TCF20: variants seen among roughly 807,000 people sequenced by gnomAD.
The protein encoded by TCF20 is SPRE-binding protein.
Under a neutral mutation model 148.6 loss-of-function variants are expected in TCF20, and 3 were observed. The observed-to-expected ratio is 0.02, with a 90% confidence interval of 0.01 to 0.05. The LOEUF (loss-of-function observed/expected upper bound fraction) is 0.05. Among genes scored for constraint, TCF20 ranks in the 10% least tolerant of loss-of-function variants. TCF20 has a pLI of 1.00. For missense variants in TCF20, 2,350 were observed against 2,429.3 expected (o/e 0.97, Z 0.69); for synonymous variants, 1,049 against 909.5 (o/e 1.15, Z -2.76).
chr22:42,209,660 G>A lies in TCF20; in HGVS notation c.5646C>T (p.Ala1882=), dbSNP rs1920924888. The A allele has an allele frequency of 2.5e-6, 4 of 1,605,054 alleles. No homozygotes were observed. Among genetic ancestry groups the A allele is most frequent in the African/African-American group, 2.7e-5 (2 of 74,452 alleles). ...LYGLQEALEI[A]REMKCSHCQE... ...GATTTCTCATACTCACCATCTCTCT[G>A]GCTATTTCCAGCGCTTCCTGCAGGC... The change falls in exon 2 of 6, where the codon GCC becomes GCT. Residue 1882 remains alanine (A), a synonymous_variant. Transcript: ENST00000677622.
intron 5 of TCF20, among the ~76,000 whole-genome samples, chr22:42,167,829 C>T (rs987854640): frequency 2.0e-5 from 3 of 151,968 alleles, no homozygotes; most frequent in Admixed American, 6.6e-5. Flanking sequence ...ATCAAGTGAT[C>T]CTCCCAGCTC....
chr22:42,170,711 C>G (rs1265882604), intron 3 of TCF20, among the ~76,000 whole-genome samples: 1 of 146,198 alleles, frequency 6.8e-6, no homozygotes, highest in Non-Finnish European at 1.5e-5. Context: ...TAAGAAGATA[C>G]AGCTGATTTA....
intron 1 of TCF20, among the ~76,000 whole-genome samples, chr22:42,266,073 C>T: frequency 7.4e-6 from 1 of 135,364 alleles, no homozygotes; most frequent in East Asian, 2.1e-4. Context: ...TTCATCATAG[C>T]TTTAAAATTA....
rs1206700424 is a variant in TCF20 at position 42,290,500 on chromosome 22, G to A, written c.-37+52979C>T. 2.6e-5 allele frequency among the ~76,000 whole-genome samples: 4 copies of A among 152,142 alleles called. No individual in the cohort carries two copies. Among genetic ancestry groups the A allele is most frequent in the South Asian group, 4.1e-4 (2 of 4,832 alleles). On this transcript the variant is annotated intron_variant, in intron 1 of 1. Transcript: ENST00000515426. This position sits in a 1 kb window ranked among gnomAD's most constrained non-coding sequence, Gnocchi z 4.2. ...CATGGAGCGGGCAGGCTGGGGGCAC[G>A]TGGGAGGCCTCTGCTCCTGACCTTT...
chr22:42,189,883 A>G (rs994564309), intron 2 of TCF20, among the ~76,000 whole-genome samples: 3 of 152,324 alleles, frequency 2.0e-5, no homozygotes, highest in African/African-American at 7.2e-5. Flanking sequence ...GGCAGTCTAA[A>G]AACAAAGACA....
Position 42,215,225 on chromosome 22 carries a change from T to C in TCF20, c.81A>G (p.Leu27=), listed in dbSNP as rs532940317. 3 of 1,614,214 alleles carry C rather than the reference T, an allele frequency of 1.9e-6. No homozygotes were observed. In the South Asian group the frequency reaches 3.3e-5, roughly 18 times the overall value. Residue 27 remains leucine, a synonymous_variant, in exon 2 of 6, where the codon CTA becomes CTG. Coordinates refer to ENST00000677622, the MANE Select transcript of TCF20 (RefSeq NM_001378418.1). Reference sequence around the variant, plus strand: ...GGGCCTGACGAGGGCTGAACTCTTCTAGCCGGGATGAGCCGTGTACCTCCT... The same window carrying C: ...GGGCCTGACGAGGGCTGAACTCTTCCAGCCGGGATGAGCCGTGTACCTCCT... ...YPQEVHGSSR[L]EEFSPRQAQM...
chr22:42,211,103 C>T lies in TCF20; in HGVS notation c.4203G>A (p.Gln1401=), dbSNP rs748490573. 6.8e-6 allele frequency: 11 copies of T among 1,614,170 alleles called. No homozygotes were observed. Among genetic ancestry groups the T allele is most frequent in the Non-Finnish European group, 8.5e-6 (10 of 1,180,048 alleles). The change falls in exon 2 of 6, where the codon CAG becomes CAA. Residue 1401 remains glutamine (Q), a synonymous_variant. Coordinates refer to ENST00000677622, the MANE Select transcript of TCF20 (RefSeq NM_001378418.1). ...GPPEGGSVAV[Q]DADIEKRKGE... Reference sequence around the variant, plus strand: ...CTTTTCTCTTCTCTATGTCAGCATCCTGAACAGCAACACTCCCACCTTCAG... The same window carrying T: ...CTTTTCTCTTCTCTATGTCAGCATCTTGAACAGCAACACTCCCACCTTCAG...
In TCF20 at chr22:42,214,331, A is replaced by C. The variant is rs1256965480; in HGVS notation, c.975T>G (p.Ser325=). Residue 325 remains serine, a synonymous_variant, in exon 2 of 6, where the codon TCT becomes TCG. Coordinates refer to ENST00000677622, the MANE Select transcript of TCF20 (RefSeq NM_001378418.1). ...QQQPQQQQHP[S]QHVMQYTNAA... ...CGTTAGTATACTGCATCACATGCTG[A>C]GAAGGGTGTTGTTGTTGCTGCGGTT... 3 of 1,614,194 alleles carry C rather than the reference A, an allele frequency of 1.9e-6. No homozygotes were observed. Among genetic ancestry groups the C allele is most frequent in the Non-Finnish European group, 2.5e-6 (3 of 1,180,036 alleles).
chr22:42,325,410 GC>G (rs67162071), intron 1 of TCF20, among the ~76,000 whole-genome samples: 2,805 of 152,310 alleles, frequency 0.018, 86 homozygotes, highest in African/African-American at 0.064. Context: ...TTGGGGCCAG[GC>G]CCACGTGACT....
In TCF20 at chr22:42,160,560, A is replaced by T. The variant is rs2147018235; in HGVS notation, c.*843T>A. The T allele has an allele frequency of 6.6e-6, 1 of 152,524 alleles. No homozygotes were observed. The highest frequency in any genetic ancestry group is 3.4e-3 in the Middle Eastern group (1 of 294). 9.4% of individuals were successfully genotyped at this position (152,524 alleles called of 1,614,324 possible). ...CTGTGTACACTTGATGGGGTCCTTG[A>T]GGTCCTCACCAGCCACAGTGACCCA... On this transcript the variant is annotated 3_prime_UTR_variant, in exon 6 of 6. Transcript: ENST00000677622.
intron 3 of TCF20, among the ~76,000 whole-genome samples, chr22:42,174,989 C>G (rs549958156): frequency 1.3e-5 from 2 of 151,446 alleles, no homozygotes; most frequent in Non-Finnish European, 2.9e-5. Context: ...GAGCCGAGAT[C>G]GCGCCACTGC....
At chr22:42,257,416 A>G (rs537252887) in intron 1 of TCF20, among the ~76,000 whole-genome samples, 102 of 152,380 alleles carry the variant, frequency 6.7e-4, no homozygotes, top group Non-Finnish European at 1.4e-3. Flanking sequence ...ACACAAAGAC[A>G]TAGATTAATA....
At chr22:42,228,872 A>G (rs898440981) in intron 1 of TCF20, among the ~76,000 whole-genome samples, 1 of 152,240 alleles carries the variant, frequency 6.6e-6, no homozygotes, top group Non-Finnish European at 1.5e-5. Context: ...ACTTAAAAAA[A>G]AATGAAATAG....
At chr22:42,323,989 GTGGTGGAGGTGGTGGCGGAGGTTA>G (rs1474714971) in intron 1 of TCF20, among the ~76,000 whole-genome samples, 7 of 142,086 alleles carry the variant, frequency 4.9e-5, no homozygotes, top group South Asian at 2.3e-4. Context: ...GGAGGTTATG[GTGGTGGAGGTGGTGGCGGAGGTTA>G]TGGTGGTGGT....
chr22:42,260,187 G>C (rs887823267), intron 1 of TCF20, among the ~76,000 whole-genome samples: 1 of 152,108 alleles, frequency 6.6e-6, no homozygotes, highest in African/African-American at 2.4e-5. Flanking sequence ...AAGTGTAAAG[G>C]TCCTAAGGTA....
At chr22:42,217,184 C>A (rs572939933) in intron 1 of TCF20, among the ~76,000 whole-genome samples, 1 of 152,188 alleles carries the variant, frequency 6.6e-6, no homozygotes, top group East Asian at 1.9e-4. Context: ...GCTCCCACCC[C>A]CTTGACCTCT....
At position 42,215,075 on chromosome 22, in the gene TCF20, T is replaced by C. The variant is rs756671262; in HGVS notation, c.231A>G (p.Gln77=). ...AAMASETSGH[Q]GYQGFRKEAG... Reference sequence around the variant, plus strand: ...CCTCTTTCCTGAAACCCTGGTAACCTTGATGGCCAGAGGTCTCGCTAGCCA... The same window carrying C: ...CCTCTTTCCTGAAACCCTGGTAACCCTGATGGCCAGAGGTCTCGCTAGCCA... The change falls in exon 2 of 6, where the codon CAA becomes CAG. Residue 77 remains glutamine (Q), a synonymous_variant. Transcript: ENST00000677622. The C allele has an allele frequency of 5.6e-6, 9 of 1,614,214 alleles. No homozygotes were observed. The South Asian group carries it at 6.6e-5, about 12-fold the overall frequency.
chr22:42,264,294 A>AG (rs1926170751), intron 1 of TCF20, among the ~76,000 whole-genome samples: 1 of 35,334 alleles, frequency 2.8e-5, no homozygotes, highest in Non-Finnish European at 6.1e-5. Flanking sequence ...AGGGTGGGGG[A>AG]GGGGGGAGAA....
intron 1 of TCF20, among the ~76,000 whole-genome samples, chr22:42,232,173 A>C (rs1923476220): frequency 6.6e-6 from 1 of 152,094 alleles, no homozygotes; most frequent in Admixed American, 6.5e-5. Context: ...GCAGATACAT[A>C]CTTACCACTC....
Sources: gnomAD v4.1 joint callset for allele counts (sites outside exome capture counted in the v4.1 genomes callset) on GRCh38, gnomAD v4.1.1 for gene constraint, Gnocchi (gnomAD v3.1) non-coding constraint, MANE v1.5 for transcripts, NCBI Gene and HGNC (gene_info 2026-07-23, HGNC 2026-07-21) for gene names.